The following TMEM40 variants were observed in gnomAD, a reference collection of about 807,000 sequenced individuals.
TMEM40 encodes transmembrane protein 40.
A neutral mutation model predicts 40.8 loss-of-function variants in TMEM40; 34 were observed. The ratio of observed to expected loss-of-function variants is 0.83; its 90% CI spans 0.63 to 1.11. The LOEUF is 1.11. Among genes scored for constraint, TMEM40 ranks in the 50% least tolerant of loss-of-function variants. The pLI, the probability that TMEM40 is intolerant of heterozygous loss-of-function variation, is 0.00. For missense variants in TMEM40, 296 were observed against 280.2 expected, an observed-to-expected ratio of 1.06 and a Z score of -0.40; for synonymous variants, 106 against 107.0, an observed-to-expected ratio of 0.99 and a Z score of 0.06.
chr3:12,753,068 C>T (rs1323145817), intron 1 of TMEM40, among the ~76,000 whole-genome samples: 1 of 152,110 alleles, frequency 6.6e-6, no homozygotes, highest in Non-Finnish European at 1.5e-5. Flanking sequence ...CTTCCCTGGG[C>T]AGGTCTTTAG....
At chr3:12,752,140 G>C (rs1363973831) in intron 1 of TMEM40, among the ~76,000 whole-genome samples, 1 of 152,078 alleles carries the variant, frequency 6.6e-6, no homozygotes, top group Non-Finnish European at 1.5e-5. Context: ...CCAGGCTAAA[G>C]TGCAGTGGTG....
intron 1 of TMEM40, among the ~76,000 whole-genome samples, chr3:12,755,182 CCT>C (rs1229772464): frequency 1.0e-5 from 1 of 100,254 alleles, no homozygotes; most frequent in African/African-American, 7.3e-5. Flanking sequence ...CTCTCTCTCT[CCT>C]TCCTTCCTTC....
In TMEM40 at chr3:12,746,627, G is replaced by A. The variant is rs557946633; in HGVS notation, c.211+2028C>T. Among the ~76,000 whole-genome samples the A allele has an allele frequency of 2.0e-4, 30 of 152,280 alleles. 1 individual carries two copies. Among genetic ancestry groups the A allele is most frequent in the African/African-American group, 7.2e-4 (30 of 41,558 alleles). On this transcript the variant is annotated intron_variant, in intron 3 of 11. Coordinates refer to ENST00000314124, the MANE Select transcript of TMEM40 (RefSeq NM_018306.4). The stretch of plus-strand genomic sequence containing the variant: ...GGGTAGCGGGTCACTGTCCGCGCCT[G>A]AAAAACAGGCGGCTATGTTCTGGCA...
In TMEM40 at chr3:12,740,857, C is replaced by CA. The variant is rs372535892; in HGVS notation, c.355+1596dup. 2.0e-3 allele frequency among the ~76,000 whole-genome samples: 308 copies of CA among 151,202 alleles called. 3 individuals are homozygous for CA. Among genetic ancestry groups the CA allele is most frequent in the African/African-American group, 7.0e-3 (289 of 41,186 alleles). On this transcript the variant is annotated intron_variant, in intron 5 of 11. Transcript: ENST00000314124. ...TGAGCAACAGAGTGAGACAGCATCCCAAAAAAAACAAAAAATGAAAAACAA... is the reference window on the plus strand; with the variant it reads ...TGAGCAACAGAGTGAGACAGCATCCCAAAAAAAAACAAAAAATGAAAAACAA...
At chr3:12,756,728 C>T (rs2061530913) in intron 1 of TMEM40, among the ~76,000 whole-genome samples, 1 of 152,064 alleles carries the variant, frequency 6.6e-6, no homozygotes, top group Admixed American at 6.6e-5. Flanking sequence ...GAATCTCAGT[C>T]TCTGTTTCTT....
chr3:12,752,672 C>T (rs1447542111), intron 1 of TMEM40, among the ~76,000 whole-genome samples: 1 of 152,012 alleles, frequency 6.6e-6, no homozygotes, highest in African/African-American at 2.4e-5. Flanking sequence ...TGGTTGCAGG[C>T]CTGTAATCCC....
intron 3 of TMEM40, among the ~76,000 whole-genome samples, chr3:12,748,260 T>A (rs1171819672): frequency 6.6e-6 from 1 of 152,220 alleles, no homozygotes; most frequent in Admixed American, 6.5e-5. Context: ...GACGTGTAGC[T>A]ACTTAGTGGT....
At chr3:12,765,671 G>T (rs1476292110) in intron 1 of TMEM40, among the ~76,000 whole-genome samples, 1 of 149,496 alleles carries the variant, frequency 6.7e-6, no homozygotes, top group African/African-American at 2.5e-5. Flanking sequence ...CTGGGTTCAC[G>T]CCATTCTCCT....
At chr3:12,758,574 C>T (rs1355255734) in intron 1 of TMEM40, among the ~76,000 whole-genome samples, 1 of 152,146 alleles carries the variant, frequency 6.6e-6, no homozygotes, top group Non-Finnish European at 1.5e-5. Context: ...CAACAGGCAG[C>T]AGGGCCCCCT....
At position 12,736,623 on chromosome 3, in the gene TMEM40, G is replaced by A. The variant is rs1360154395; in HGVS notation, c.574C>T (p.Leu192Phe). The change falls in exon 10 of 12, where the codon CTC becomes TTC. Residue 192 changes from leucine (L) to phenylalanine (F), a missense_variant. Leu to Phe is a conservative substitution (Grantham distance 22). Transcript: ENST00000314124. ...ACGGTTTCCAGGGAGGCGAAGGTGA[G>A]CAGGCCGACCCCAAGAGACATGAAC... ...DWFMSLGVGLLTFASLETVGI... is the reference protein window; with the variant it reads ...DWFMSLGVGLFTFASLETVGI... 5 of 1,579,942 alleles carry A rather than the reference G, an allele frequency of 3.2e-6. 1 individual carries two copies. In the South Asian group the frequency reaches 5.7e-5, roughly 18 times the overall value.
chr3:12,754,550 C>T (rs1188000786), intron 1 of TMEM40, among the ~76,000 whole-genome samples: 2 of 152,202 alleles, frequency 1.3e-5, no homozygotes, highest in Non-Finnish European at 2.9e-5. Context: ...AGCTACAGAG[C>T]AAAGCTAGCA....
chr3:12,736,909 T>C, intron 8 of TMEM40, 74 bp from the exon 9 acceptor site: 1 of 1,591,540 alleles, frequency 6.3e-7, no homozygotes, highest in Non-Finnish European at 8.6e-7. Context: ...GACAAGGTCT[T>C]GCTCTGTCAC....
Position 12,749,810 on chromosome 3 carries a change from G to A in TMEM40, c.23C>T (p.Ser8Phe). 1.2e-6 allele frequency: 2 copies of A among 1,614,092 alleles called. No individual in the cohort carries two copies. Among genetic ancestry groups the A allele is most frequent in the Non-Finnish European group, 1.7e-6 (2 of 1,180,032 alleles). Residue 8 changes from serine (S) to phenylalanine (F), a missense_variant, in exon 2 of 12, where the codon TCC (serine) becomes TTC (phenylalanine). By Grantham distance (155) the Ser-to-Phe change is radical. Transcript: ENST00000314124. METSASS[S>F]QPQDNSQVHR... ...GACTTGACTGTTGTCCTGAGGCTGGGAGGAGGATGCTGAAGTCTCCATGGC... is the reference window on the plus strand; with the variant it reads ...GACTTGACTGTTGTCCTGAGGCTGGAAGGAGGATGCTGAAGTCTCCATGGC...
intron 1 of TMEM40, among the ~76,000 whole-genome samples, chr3:12,757,332 G>A (rs183327889): frequency 1.3e-5 from 2 of 152,228 alleles, no homozygotes; most frequent in Admixed American, 1.3e-4. Flanking sequence ...AGCTGGGCAT[G>A]GTGGCAGGTG....
chr3:12,755,980 G>A (rs2061524259), intron 1 of TMEM40, among the ~76,000 whole-genome samples: 1 of 152,154 alleles, frequency 6.6e-6, no homozygotes, highest in South Asian at 2.1e-4. Flanking sequence ...GTACAAACAA[G>A]CAACAGGAAA....
At chr3:12,741,910 C>A (rs1383492728) in intron 5 of TMEM40, among the ~76,000 whole-genome samples, 1 of 151,928 alleles carries the variant, frequency 6.6e-6, no homozygotes, top group Non-Finnish European at 1.5e-5. Context: ...GCCTGGGCAA[C>A]ATGGCAAAAC....
intron 1 of TMEM40, among the ~76,000 whole-genome samples, chr3:12,752,568 G>A (rs2061486830): frequency 6.6e-6 from 1 of 152,134 alleles, no homozygotes. Context: ...GGAGGCTGAG[G>A]CGGGCGGATC....
At chr3:12,737,884 A>C (rs1196689403) in intron 7 of TMEM40, 130 bp from the exon 8 acceptor site, 1 of 1,005,478 alleles carries the variant, frequency 9.9e-7, no homozygotes, top group African/African-American at 1.6e-5. Flanking sequence ...TCACTGCAGG[A>C]CCAGTCAAAC....
rs528716831 is a variant in TMEM40 at position 12,746,299 on chromosome 3, T to C, written c.212-2310A>G. On this transcript the variant is annotated intron_variant, in intron 3 of 11. Coordinates refer to ENST00000314124, the MANE Select transcript of TMEM40 (RefSeq NM_018306.4). ...CCCATCACAAAGACTGGCACATATT[T>C]GGTGCTCAGTAAATATTTGTTAAAT... 1.2e-4 allele frequency among the ~76,000 whole-genome samples: 19 copies of C among 152,336 alleles called. No homozygotes were observed. In the South Asian group the frequency reaches 3.9e-3, roughly 32 times the overall value.
Sources: gnomAD v4.1 joint callset for allele counts (sites outside exome capture counted in the v4.1 genomes callset) on GRCh38, gnomAD v4.1.1 for gene constraint, MANE v1.5 for transcripts, NCBI Gene and HGNC (gene_info 2026-07-23, HGNC 2026-07-21) for gene names.